FAF1: variants seen among roughly 807,000 people sequenced by gnomAD.
FAF1 encodes Fas associated factor 1.
In FAF1, 25 loss-of-function variants were observed where a neutral mutation model predicts 92.5. That is an observed-to-expected ratio of 0.27 (90% CI 0.20 to 0.38). FAF1 has a LOEUF of 0.38. Among genes scored for constraint, FAF1 ranks in the 10% least tolerant of loss-of-function variants. The pLI is 1.00. For missense variants in FAF1, 636 were observed against 793.3 expected (o/e 0.80, Z 2.38); for synonymous variants, 234 against 273.2 (o/e 0.86, Z 1.42).
rs1653699403 is a variant in FAF1 at position 50,630,086 on chromosome 1, A to C, written c.744+25356T>G. 2.0e-5 allele frequency among the ~76,000 whole-genome samples: 3 copies of C among 152,136 alleles called. No homozygotes were observed. In the South Asian group the frequency reaches 6.2e-4, roughly 32 times the overall value. ...AAAAAAACATATCGACGTTCAGCAA[A>C]ATGCCTAGAACAAAGTAAGATACAT... On this transcript the variant is annotated intron_variant, in intron 8 of 18. Coordinates refer to ENST00000396153, the MANE Select transcript of FAF1 (RefSeq NM_007051.3).
chr1:50,671,995 AC>A (rs1655903146), intron 7 of FAF1, among the ~76,000 whole-genome samples: 1 of 148,250 alleles, frequency 6.7e-6, no homozygotes, highest in Non-Finnish European at 1.5e-5. Context: ...AAAAGGTCTC[AC>A]TATGTTGTCC....
chr1:50,766,028 G>A (rs1404059396), intron 4 of FAF1, among the ~76,000 whole-genome samples: 2 of 152,072 alleles, frequency 1.3e-5, no homozygotes, highest in African/African-American at 4.8e-5. Context: ...GGAGGCGCAG[G>A]GTGCAGTGAG....
chr1:50,645,675 T>C (rs890383526), intron 8 of FAF1, among the ~76,000 whole-genome samples: 1 of 151,900 alleles, frequency 6.6e-6, no homozygotes, highest in Non-Finnish European at 1.5e-5. Context: ...ATACAAAAAT[T>C]AGCCAGGCGT....
chr1:50,905,847 C>T (rs929398280), intron 1 of FAF1, among the ~76,000 whole-genome samples: 4 of 152,182 alleles, frequency 2.6e-5, no homozygotes, highest in South Asian at 2.1e-4. Flanking sequence ...ACTCTGATGG[C>T]AGTTTCTTTT....
At chr1:50,635,593 T>G (rs1653971872) in intron 8 of FAF1, among the ~76,000 whole-genome samples, 1 of 152,154 alleles carries the variant, frequency 6.6e-6, no homozygotes, top group Non-Finnish European at 1.5e-5. Flanking sequence ...ACCCAACTAA[T>G]TTTTGTATTT....
At chr1:50,828,380 T>C (rs1482341319) in intron 2 of FAF1, among the ~76,000 whole-genome samples, 2 of 151,892 alleles carry the variant, frequency 1.3e-5, no homozygotes, top group Admixed American at 1.3e-4. Context: ...GCCATTCTCC[T>C]GCCTCAGCCT....
chr1:50,564,768 T>A (rs1009401609), intron 13 of FAF1, among the ~76,000 whole-genome samples: 6 of 152,078 alleles, frequency 3.9e-5, no homozygotes, highest in Non-Finnish European at 8.8e-5. Flanking sequence ...GTGGTTAAGT[T>A]AAACCCTTTT....
At chr1:50,951,412 AT>A (rs757184643) in intron 1 of FAF1, among the ~76,000 whole-genome samples, 4 of 152,210 alleles carry the variant, frequency 2.6e-5, no homozygotes, top group African/African-American at 4.8e-5. Context: ...AACAGCTAAA[AT>A]TTATTGAACA....
In FAF1 at chr1:50,711,575, T is replaced by A. The variant is rs148629086; in HGVS notation, c.552-5684A>T. 7.7e-3 allele frequency among the ~76,000 whole-genome samples: 1,163 copies of A among 151,188 alleles called. 13 individuals carry two copies. Among genetic ancestry groups the A allele is most frequent in the African/African-American group, 0.027 (1,123 of 41,166 alleles). On this transcript the variant is annotated intron_variant, in intron 6 of 18. Coordinates refer to ENST00000396153, the MANE Select transcript of FAF1 (RefSeq NM_007051.3). ...ACCTCCACCTCCCAGGTTCAAGCGATTCTCCTGCCTCGGCCTCCCGAGTAG... is the reference window on the plus strand; with the variant it reads ...ACCTCCACCTCCCAGGTTCAAGCGAATCTCCTGCCTCGGCCTCCCGAGTAG...
intron 8 of FAF1, among the ~76,000 whole-genome samples, chr1:50,602,087 G>A (rs1652164184): frequency 6.6e-6 from 1 of 152,072 alleles, no homozygotes; most frequent in Admixed American, 6.5e-5. Context: ...AAGGAGATTT[G>A]GTTATGTCAC....
chr1:50,838,997 T>G (rs1644234497), intron 2 of FAF1, among the ~76,000 whole-genome samples: 1 of 152,116 alleles, frequency 6.6e-6, no homozygotes, highest in South Asian at 2.1e-4. Context: ...AATATCCAAC[T>G]TAACTGTGCT....
At chr1:50,522,588 G>C (rs1207086428) in intron 15 of FAF1, among the ~76,000 whole-genome samples, 1 of 152,162 alleles carries the variant, frequency 6.6e-6, no homozygotes, top group Non-Finnish European at 1.5e-5. Context: ...CAGGATTAAA[G>C]TTCATGAAGG....
chr1:50,881,192 G>C (rs1424745981), intron 1 of FAF1, among the ~76,000 whole-genome samples: 2 of 152,086 alleles, frequency 1.3e-5, no homozygotes, highest in Non-Finnish European at 2.9e-5. Context: ...AAAAATCCTA[G>C]GCCCCATTCC....
intron 1 of FAF1, among the ~76,000 whole-genome samples, chr1:50,944,032 G>A (rs937296012): frequency 3.3e-5 from 5 of 152,344 alleles, no homozygotes; most frequent in Non-Finnish European, 7.3e-5. Flanking sequence ...AATGATGGCA[G>A]TCAGTCCAAT....
At chr1:50,602,005 A>G (rs1330566658) in intron 8 of FAF1, among the ~76,000 whole-genome samples, 1 of 152,130 alleles carries the variant, frequency 6.6e-6, no homozygotes, top group African/African-American at 2.4e-5. Flanking sequence ...TTTGTAAAAT[A>G]TAGGTACGAC....
chr1:50,754,322 T>C (rs1659990098), intron 4 of FAF1, among the ~76,000 whole-genome samples: 2 of 152,216 alleles, frequency 1.3e-5, no homozygotes, highest in Non-Finnish European at 2.9e-5. Flanking sequence ...TAGTCAGCAT[T>C]GCCCAAGCAG....
chr1:50,560,640 T>TACTTA (rs1243887203), intron 13 of FAF1, among the ~76,000 whole-genome samples: 1 of 152,246 alleles, frequency 6.6e-6, no homozygotes, highest in Non-Finnish European at 1.5e-5. Flanking sequence ...TCATCTCAGG[T>TACTTA]ACTTACATAA....
At chr1:50,648,145 G>T (rs1237320685) in intron 8 of FAF1, among the ~76,000 whole-genome samples, 1 of 152,168 alleles carries the variant, frequency 6.6e-6, no homozygotes, top group Non-Finnish European at 1.5e-5. Context: ...TGTAATCCCA[G>T]CTATGAGGAG....
intron 15 of FAF1, among the ~76,000 whole-genome samples, chr1:50,526,295 A>T (rs960815066): frequency 6.6e-6 from 1 of 151,730 alleles, no homozygotes; most frequent in East Asian, 2.0e-4. Flanking sequence ...AACAATTTTA[A>T]AATTATTTAT....
Sources: gnomAD v4.1 joint callset for allele counts (sites outside exome capture counted in the v4.1 genomes callset) on GRCh38, gnomAD v4.1.1 for gene constraint, MANE v1.5 for transcripts, NCBI Gene and HGNC (gene_info 2026-07-23, HGNC 2026-07-21) for gene names.